The following STRN variants were observed in gnomAD, a reference collection of about 807,000 sequenced individuals.
STRN encodes the protein striatin.
A neutral mutation model predicts 96.3 loss-of-function variants in STRN; 53 were observed. The ratio of observed to expected loss-of-function variants is 0.55; its 90% CI spans 0.44 to 0.69. The LOEUF (loss-of-function observed/expected upper bound fraction) is 0.69, where lower values mean the gene tolerates loss of function less well. STRN is among the 30% of genes least tolerant of loss of function. The pLI is 0.00. For missense variants in STRN, 987 were observed against 963.9 expected (o/e 1.02, Z -0.32); for synonymous variants, 428 against 355.9 (o/e 1.20, Z -2.28).
chr2:36,928,863 G>C (rs1670493172), intron 1 of STRN, among the ~76,000 whole-genome samples: 1 of 144,152 alleles, frequency 6.9e-6, no homozygotes, highest in Non-Finnish European at 1.5e-5. Context: ...GCACAGAATT[G>C]CTTGAACCCA....
At chr2:36,927,893 G>C (rs1670457339) in intron 1 of STRN, among the ~76,000 whole-genome samples, 1 of 152,058 alleles carries the variant, frequency 6.6e-6, no homozygotes, top group African/African-American at 2.4e-5. Context: ...ATATATATTT[G>C]CACATATGTG....
intron 3 of STRN, among the ~76,000 whole-genome samples, chr2:36,906,489 ATGAG>A (rs1222184112): frequency 2.0e-5 from 3 of 151,962 alleles, no homozygotes; most frequent in Non-Finnish European, 2.9e-5. Flanking sequence ...GAATGAATGA[ATGAG>A]TAACAAATAA....
At chr2:36,883,856 G>A in intron 9 of STRN, 76 bp downstream of exon 9, 1 of 1,264,700 alleles carries the variant, frequency 7.9e-7, no homozygotes. Context: ...TCTAATAGGA[G>A]AGGCCTTTCT....
chr2:36,958,262 A>T (rs1664943970), intron 1 of STRN, among the ~76,000 whole-genome samples: 1 of 152,116 alleles, frequency 6.6e-6, no homozygotes, highest in Non-Finnish European at 1.5e-5. Context: ...ACACAAAGGT[A>T]AACTAAGGAT....
chr2:36,906,527 A>G (rs1267521976), intron 3 of STRN, among the ~76,000 whole-genome samples: 3 of 152,208 alleles, frequency 2.0e-5, no homozygotes, highest in Non-Finnish European at 4.4e-5. Context: ...AAAAAGAACT[A>G]GAACAAAATA....
At chr2:36,860,187 A>C (rs529543765) in intron 13 of STRN, among the ~76,000 whole-genome samples, 6 of 152,208 alleles carry the variant, frequency 3.9e-5, no homozygotes, top group Non-Finnish European at 8.8e-5. Context: ...AAGAGATTAG[A>C]ATGCAGTCGC....
At chr2:36,867,714 AAATACAAAG>A (rs1420597676) in intron 12 of STRN, 91 bp downstream of exon 12, 94 of 767,548 alleles carry the variant, frequency 1.2e-4, no homozygotes, top group Non-Finnish European at 9.8e-6. Flanking sequence ...AAACACTCCT[AAATACAAAG>A]AATACCTAGT....
intron 1 of STRN, among the ~76,000 whole-genome samples, chr2:36,930,798 C>T (rs1414343291): frequency 6.6e-6 from 1 of 152,034 alleles, no homozygotes; most frequent in African/African-American, 2.4e-5. Context: ...TTTGGGAGGC[C>T]GAGACGGGTG....
At chr2:36,915,920 G>T (rs931061321) in intron 3 of STRN, among the ~76,000 whole-genome samples, 158 bp downstream of exon 3, 1 of 152,188 alleles carries the variant, frequency 6.6e-6, no homozygotes, top group Non-Finnish European at 1.5e-5. Context: ...GGTGGAAAAT[G>T]ATCTAAATGA....
rs546553440 is a variant in STRN at position 36,903,999 on chromosome 2, C to T, written c.492-1248G>A. Among the ~76,000 whole-genome samples the T allele has an allele frequency of 3.9e-5, 6 of 152,284 alleles. No individual in the cohort carries two copies. In the East Asian group the frequency reaches 5.8e-4, roughly 15 times the overall value. On this transcript the variant is annotated intron_variant, in intron 4 of 17. Coordinates refer to ENST00000263918, the MANE Select transcript of STRN (RefSeq NM_003162.4). Reference sequence around the variant, plus strand: ...TGGTTTTACTCAACAGTTACTTCCTCATTCATTGATAAAATGACACCTTTA... The same window carrying T: ...TGGTTTTACTCAACAGTTACTTCCTTATTCATTGATAAAATGACACCTTTA...
intron 1 of STRN, among the ~76,000 whole-genome samples, chr2:36,948,061 T>A (rs1014492964): frequency 3.5e-5 from 5 of 143,036 alleles, no homozygotes; most frequent in African/African-American, 1.0e-4. Context: ...CATCCTCTCC[T>A]CTATAATTAT....
chr2:36,874,528 T>A (rs1572638512), intron 10 of STRN, among the ~76,000 whole-genome samples: 1 of 151,344 alleles, frequency 6.6e-6, no homozygotes, highest in Admixed American at 6.6e-5. Context: ...TGAAAATACA[T>A]CAAGCCATAA....
chr2:36,953,147 T>C (rs1043043139), intron 1 of STRN, among the ~76,000 whole-genome samples: 2 of 152,204 alleles, frequency 1.3e-5, no homozygotes, highest in African/African-American at 4.8e-5. Context: ...TCCTTGAATC[T>C]TTCTGGTGAG....
At chr2:36,946,815 T>C (rs1017780407) in intron 1 of STRN, among the ~76,000 whole-genome samples, 3 of 152,242 alleles carry the variant, frequency 2.0e-5, no homozygotes, top group Non-Finnish European at 4.4e-5. Flanking sequence ...ACTGTTTCTT[T>C]TTTGTAAAAA....
intron 1 of STRN, among the ~76,000 whole-genome samples, chr2:36,927,318 T>A (rs1670436258): frequency 7.0e-6 from 1 of 142,878 alleles, no homozygotes; most frequent in South Asian, 2.5e-4. Context: ...GCCTAGCCTG[T>A]GCAACATAGC....
Position 36,939,774 on chromosome 2 carries a change from G to C in STRN, c.235-14566C>G, listed in dbSNP as rs149764955. The stretch of plus-strand genomic sequence containing the variant: ...CTATTCTGTAAGCATTTGCTGAACA[G>C]AATAAAAGTAAATAAAACAGGTTTC... On this transcript the variant is annotated intron_variant, in intron 1 of 17. Coordinates refer to ENST00000263918, the MANE Select transcript of STRN (RefSeq NM_003162.4). Among the ~76,000 whole-genome samples the C allele has an allele frequency of 8.3e-3, 1,257 of 152,116 alleles. 17 individuals carry two copies. The highest frequency in any genetic ancestry group is 0.027 in the South Asian group (128 of 4,826).
At chr2:36,922,401 C>T (rs562633443) in intron 2 of STRN, among the ~76,000 whole-genome samples, 10 of 151,856 alleles carry the variant, frequency 6.6e-5, no homozygotes, top group Admixed American at 1.3e-4. Flanking sequence ...TATCTGTATT[C>T]CCAGCCACTT....
intron 8 of STRN, among the ~76,000 whole-genome samples, chr2:36,884,458 T>C (rs917048489): frequency 1.3e-5 from 2 of 152,208 alleles, no homozygotes; most frequent in African/African-American, 4.8e-5. Context: ...GTTGCATTAA[T>C]TGCCTTACAT....
rs887090918 is a variant in STRN at position 36,879,989 on chromosome 2, C to T, written c.1187-1962G>A. Among the ~76,000 whole-genome samples, 8 of 151,742 alleles carry T rather than the reference C, an allele frequency of 5.3e-5. No individual in the cohort carries two copies. In the East Asian group the frequency reaches 1.2e-3, roughly 22 times the overall value. ...CTTAAAAAAAAAAAAAAATCTGAGA[C>T]GGGGTCTCACTCTGTCACCCAGGCT... On this transcript the variant is annotated intron_variant, in intron 9 of 17. Coordinates refer to ENST00000263918, the MANE Select transcript of STRN (RefSeq NM_003162.4).
Sources: gnomAD v4.1 joint callset for allele counts (sites outside exome capture counted in the v4.1 genomes callset) on GRCh38, gnomAD v4.1.1 for gene constraint, MANE v1.5 for transcripts, NCBI Gene and HGNC (gene_info 2026-07-23, HGNC 2026-07-21) for gene names.